Variants in SERPINB7 observed in about 807,000 individuals in gnomAD.
The protein encoded by SERPINB7 is serpin B7.
In SERPINB7, 31 loss-of-function variants were observed where a neutral mutation model predicts 37.4. The ratio of observed to expected loss-of-function variants is 0.83; its 90% CI spans 0.62 to 1.12. The LOEUF is 1.12. Ranked by LOEUF, SERPINB7 falls within the 50% of genes most tolerant of loss-of-function variation. The pLI, the probability that SERPINB7 is intolerant of heterozygous loss-of-function variation, is 0.00. For synonymous variants in SERPINB7, 163 were observed against 166.1 expected (o/e 0.98, Z 0.14); for missense variants, 521 against 455.3 (o/e 1.14, Z -1.31).
intron 4 of SERPINB7, among the ~76,000 whole-genome samples, chr18:63,795,390 A>G (rs544013625): frequency 8.2e-4 from 125 of 151,896 alleles, no homozygotes; most frequent in African/African-American, 2.9e-3. Context: ...GTGAAACCCC[A>G]TCTCTACTAA....
intron 4 of SERPINB7, among the ~76,000 whole-genome samples, chr18:63,795,576 TAA>T (rs5825537): frequency 6.0e-4 from 69 of 115,766 alleles, no homozygotes; most frequent in African/African-American, 1.4e-3. Flanking sequence ...AAAAAAGAAT[TAA>T]AAAAAAAAAA....
intron 2 of SERPINB7, among the ~76,000 whole-genome samples, chr18:63,786,040 ATATATATAATATATG>A (rs1260177400): frequency 2.6e-5 from 3 of 113,690 alleles, no homozygotes; most frequent in African/African-American, 6.4e-5. Flanking sequence ...ATATATACAC[ATATATATAATATATG>A]TATATATAAT....
chr18:63,782,380 C>T lies in SERPINB7; in HGVS notation c.8C>T (p.Ser3Phe), dbSNP rs202010872. Reference sequence around the variant, plus strand: ...GCTGCACTCCATTTTGCAATGGCCTCCCTTGCTGCAGCAAATGCAGAGTTT... The same window carrying T: ...GCTGCACTCCATTTTGCAATGGCCTTCCTTGCTGCAGCAAATGCAGAGTTT... MASLAAANAEFCF... is the reference protein window; with the variant it reads MAFLAAANAEFCF... Residue 3 changes from serine (S) to phenylalanine (F), a missense_variant, in exon 2 of 8, where the codon TCC (serine) becomes TTC (phenylalanine). Transcript: ENST00000398019. 29 of 1,611,676 alleles carry T rather than the reference C, an allele frequency of 1.8e-5. No homozygotes were observed. In the African/African-American group the frequency reaches 3.3e-4, roughly 19 times the overall value.
At chr18:63,753,725 T>C (rs1333645596) in intron 1 of SERPINB7, among the ~76,000 whole-genome samples, 4 of 152,226 alleles carry the variant, frequency 2.6e-5, no homozygotes, top group Non-Finnish European at 4.4e-5. Context: ...TCCTTGTTGA[T>C]TATAATCAAT....
At chr18:63,804,088 C>G in intron 7 of SERPINB7, 149 bp from the exon 8 acceptor site, 1 of 585,392 alleles carries the variant, frequency 1.7e-6, no homozygotes, top group East Asian at 2.9e-5. Flanking sequence ...TATTCATGTT[C>G]TGTTTCAAGA....
upstream of SERPINB7, among the ~76,000 whole-genome samples, chr18:63,775,164 A>G (rs1207494372): frequency 6.6e-6 from 1 of 152,140 alleles, no homozygotes; most frequent in Non-Finnish European, 1.5e-5. Flanking sequence ...GTTTTGACCC[A>G]GGCTGACAGA....
At chr18:63,768,025 C>T (rs1459453718) in intron 1 of SERPINB7, among the ~76,000 whole-genome samples, 1 of 151,910 alleles carries the variant, frequency 6.6e-6, no homozygotes. Flanking sequence ...AGGTCTCTTC[C>T]CTTCCTGATA....
intron 1 of SERPINB7, among the ~76,000 whole-genome samples, chr18:63,763,536 C>G (rs2049165396): frequency 2.0e-5 from 3 of 152,238 alleles, no homozygotes; most frequent in Admixed American, 1.3e-4. Context: ...GAAGTCACAG[C>G]CAGAAGCTAA....
At chr18:63,791,522 T>C (rs1045056587) in intron 2 of SERPINB7, among the ~76,000 whole-genome samples, 3 of 152,206 alleles carry the variant, frequency 2.0e-5, no homozygotes, top group Non-Finnish European at 2.9e-5. Context: ...CTAATTTGTA[T>C]TGGCCCAAAT....
rs139507248 is a variant in SERPINB7 at position 63,786,322 on chromosome 18, A to T, written c.168+3782A>T. Among the ~76,000 whole-genome samples, 1,135 of 149,944 alleles carry T rather than the reference A, an allele frequency of 7.6e-3. 10 individuals are homozygous for T. Among genetic ancestry groups the T allele is most frequent in the African/African-American group, 0.027 (1,088 of 40,910 alleles). On this transcript the variant is annotated intron_variant, in intron 2 of 7. Coordinates refer to ENST00000398019, the MANE Select transcript of SERPINB7 (RefSeq NM_003784.4). ...GATTACACGTTTGGATTATATATGT[A>T]TGAGAGCCATATGTTTGGACTTCCT...
At chr18:63,777,181 A>G (rs904109248) in intron 1 of SERPINB7, among the ~76,000 whole-genome samples, 4 of 152,090 alleles carry the variant, frequency 2.6e-5, no homozygotes, top group Non-Finnish European at 5.9e-5. Flanking sequence ...TAGTGATTAT[A>G]CACATACATA....
intron 1 of SERPINB7, among the ~76,000 whole-genome samples, chr18:63,776,572 G>A (rs770448669): frequency 1.3e-5 from 2 of 150,762 alleles, no homozygotes; most frequent in African/African-American, 4.9e-5. Flanking sequence ...AAACCTTCTT[G>A]TGTGCCTTAA....
chr18:63,784,974 A>G (rs1226996970), intron 2 of SERPINB7, among the ~76,000 whole-genome samples: 1 of 152,164 alleles, frequency 6.6e-6, no homozygotes, highest in Non-Finnish European at 1.5e-5. Context: ...ACAGCTCATG[A>G]GTCATGGTGA....
In SERPINB7 at chr18:63,793,385, A is replaced by T. The variant is rs2049450517; in HGVS notation, c.336+108A>T. On this transcript the variant is annotated intron_variant, in intron 4 of 7. Coordinates refer to ENST00000398019, the MANE Select transcript of SERPINB7 (RefSeq NM_003784.4). ...CAATACAAAGATGGTTTTGTTTCTCATTGCTACTTATTATGTTCTCAGATG... is the reference window on the plus strand; with the variant it reads ...CAATACAAAGATGGTTTTGTTTCTCTTTGCTACTTATTATGTTCTCAGATG... 7.3e-6 allele frequency: 4 copies of T among 546,052 alleles called. No homozygotes were observed. The South Asian group carries it at 9.3e-5, about 13-fold the overall frequency. 33.8% of individuals were successfully genotyped at this position (546,052 alleles called of 1,614,324 possible). A position where few individuals can be genotyped will look rare whatever the true frequency, so the allele number is the denominator to read the frequency against.
At chr18:63,774,511 A>G (rs1052408794), upstream of SERPINB7, among the ~76,000 whole-genome samples, 1 of 152,060 alleles carries the variant, frequency 6.6e-6, no homozygotes, top group East Asian at 1.9e-4. Flanking sequence ...AGAAACTGAA[A>G]TGTGTTTTTG....
chr18:63,768,525 A>G (rs754506602), intron 1 of SERPINB7, among the ~76,000 whole-genome samples: 1 of 152,126 alleles, frequency 6.6e-6, no homozygotes, highest in Non-Finnish European at 1.5e-5. Flanking sequence ...AAAGTCACTT[A>G]GGTTCATGCC....
intron 1 of SERPINB7, chr18:63,777,672 A>G (rs925712162): frequency 2.6e-5 from 4 of 152,500 alleles, no homozygotes; most frequent in Middle Eastern, 3.4e-3. Flanking sequence ...ATCTGAATAT[A>G]TTTATTTTAA....
At chr18:63,766,358 G>A (rs2049180580) in intron 1 of SERPINB7, among the ~76,000 whole-genome samples, 2 of 152,134 alleles carry the variant, frequency 1.3e-5, no homozygotes, top group Non-Finnish European at 2.9e-5. Flanking sequence ...TGGATACAGT[G>A]TGTATGTTTG....
intron 7 of SERPINB7, among the ~76,000 whole-genome samples, chr18:63,801,717 G>T (rs1483020158): frequency 1.3e-5 from 2 of 152,068 alleles, no homozygotes; most frequent in Non-Finnish European, 2.9e-5. Context: ...ACTCTGTGGG[G>T]GCCAGAGGAC....
Sources: gnomAD v4.1 joint callset for allele counts (sites outside exome capture counted in the v4.1 genomes callset) on GRCh38, gnomAD v4.1.1 for gene constraint, MANE v1.5 for transcripts, NCBI Gene and HGNC (gene_info 2026-07-23, HGNC 2026-07-21) for gene names.